The following FRMD5 variants were observed in gnomAD, a reference collection of about 807,000 sequenced individuals.
The protein encoded by FRMD5 is FERM domain-containing protein 5.
Under a neutral mutation model 69.0 loss-of-function variants are expected in FRMD5, and 20 were observed. The observed-to-expected ratio is 0.29, with a 90% CI of 0.20 to 0.42. The LOEUF (loss-of-function observed/expected upper bound fraction) is 0.42. Ranked by LOEUF, FRMD5 falls within the 10% of genes least tolerant of loss-of-function variation. The pLI is 1.00. For synonymous variants in FRMD5, 271 were observed against 260.1 expected (o/e 1.04, Z -0.40); for missense variants, 595 against 708.6 (o/e 0.84, Z 1.82).
At chr15:44,069,705 T>C (rs1032102596) in intron 1 of FRMD5, among the ~76,000 whole-genome samples, 2 of 152,116 alleles carry the variant, frequency 1.3e-5, no homozygotes, top group African/African-American at 2.4e-5. Flanking sequence ...GGGATCATCA[T>C]GGTGACGGAA....
At chr15:43,943,834 T>C (rs1030810979) in intron 1 of FRMD5, among the ~76,000 whole-genome samples, 2 of 152,216 alleles carry the variant, frequency 1.3e-5, no homozygotes, top group African/African-American at 4.8e-5. Context: ...ACAGAATAAA[T>C]TTGTTGTTTC....
At chr15:43,897,515 A>AAAAG (rs2088941817) in intron 7 of FRMD5, among the ~76,000 whole-genome samples, 1 of 147,996 alleles carries the variant, frequency 6.8e-6, no homozygotes, top group African/African-American at 2.5e-5. Flanking sequence ...AAAAAAAAAA[A>AAAAG]GTGAGGGGCA....
In FRMD5 at chr15:44,067,655, T is replaced by C. The variant is rs561255841; in HGVS notation, c.102+127298A>G. ...ATAGGCATACTAATCCCATTCATGA[T>C]GGTGGAGCCCTCATGACCTAATCAC... On this transcript the variant is annotated intron_variant, in intron 1 of 13. Coordinates refer to ENST00000417257, the MANE Select transcript of FRMD5 (RefSeq NM_032892.5). Among the ~76,000 whole-genome samples, 8 of 152,248 alleles carry C rather than the reference T, an allele frequency of 5.3e-5. No homozygotes were observed. In the South Asian group the frequency reaches 1.7e-3, roughly 32 times the overall value.
intron 1 of FRMD5, among the ~76,000 whole-genome samples, chr15:44,093,782 C>T (rs1176242298): frequency 6.6e-6 from 1 of 151,946 alleles, no homozygotes; most frequent in African/African-American, 2.4e-5. Flanking sequence ...CCATGTTAGC[C>T]AGGATGGTCT....
chr15:44,007,495 C>T (rs1028489990), intron 1 of FRMD5, among the ~76,000 whole-genome samples: 1 of 151,996 alleles, frequency 6.6e-6, no homozygotes, highest in African/African-American at 2.4e-5. Context: ...TGTTTTTAAT[C>T]CCTCAAGTTC....
At chr15:44,035,892 TTTTA>T (rs1234499659) in intron 1 of FRMD5, among the ~76,000 whole-genome samples, 1 of 152,186 alleles carries the variant, frequency 6.6e-6, no homozygotes, top group African/African-American at 2.4e-5. Context: ...GCTGGGAGGT[TTTTA>T]TTTTGTCCTG....
Position 43,912,782 on chromosome 15 carries a change from T to C in FRMD5, c.330-2803A>G, listed in dbSNP as rs1595510960. Among the ~76,000 whole-genome samples, 7 of 145,216 alleles carry C rather than the reference T, an allele frequency of 4.8e-5. No homozygotes were observed. The South Asian group carries it at 1.5e-3, about 32-fold the overall frequency. On this transcript the variant is annotated intron_variant, in intron 4 of 13. Transcript: ENST00000417257. ...CCTGTAATCCCAGCACTTTGGGAGG[T>C]CGAGGTGGGTGGATCACCTGAGGTC...
intron 1 of FRMD5, among the ~76,000 whole-genome samples, chr15:44,162,649 C>A (rs992042613): frequency 6.6e-6 from 1 of 151,380 alleles, no homozygotes; most frequent in Non-Finnish European, 1.5e-5. Context: ...AGGCAGATCA[C>A]CTGAGGTCAG....
chr15:43,910,542 C>G (rs2089267493), intron 4 of FRMD5, among the ~76,000 whole-genome samples: 1 of 134,282 alleles, frequency 7.4e-6, no homozygotes, highest in Non-Finnish European at 1.5e-5. Context: ...CTACTGCACT[C>G]TAGCCTGGGC....
chr15:43,935,938 T>C (rs1476404702), intron 1 of FRMD5, among the ~76,000 whole-genome samples: 1 of 152,252 alleles, frequency 6.6e-6, no homozygotes, highest in Non-Finnish European at 1.5e-5. Context: ...AGGCACTACC[T>C]GAGCTATCTC....
rs570628240 is a variant in FRMD5, at chr15:43,906,640, A to C, written c.428-689T>G. On this transcript the variant is annotated intron_variant, in intron 5 of 13. Transcript: ENST00000417257. ...GTTTTTAGACGGAGTCTCACTCTGTAGCCCAGGCTGGAGTGCAGTGGTGCG... is the reference window on the plus strand; with the variant it reads ...GTTTTTAGACGGAGTCTCACTCTGTCGCCCAGGCTGGAGTGCAGTGGTGCG... Among the ~76,000 whole-genome samples the C allele has an allele frequency of 2.0e-4, 31 of 151,980 alleles. 1 individual carries two copies. The highest frequency in any genetic ancestry group is 3.4e-3 in the Middle Eastern group (1 of 294).
At chr15:43,874,492 T>A (rs745706090) in intron 13 of FRMD5, 30 bp from the exon 14 acceptor site, 1 of 1,544,024 alleles carries the variant, frequency 6.5e-7, no homozygotes. Context: ...ATGAGTAGGC[T>A]GTGTCCCAAT....
At position 44,032,604 on chromosome 15, in the gene FRMD5, C is replaced by G. The variant is rs190101024; in HGVS notation, c.103-108295G>C. 5.9e-5 allele frequency among the ~76,000 whole-genome samples: 9 copies of G among 152,234 alleles called. No homozygotes were observed. The East Asian group carries it at 1.7e-3, about 29-fold the overall frequency. The stretch of plus-strand genomic sequence containing the variant: ...AGCCAACAAGCATATGGAAAAAAAG[C>G]TCAATATCACTCATCATTAGAGAAA... On this transcript the variant is annotated intron_variant, in intron 1 of 13. Transcript: ENST00000417257.
chr15:44,192,245 A>C (rs918620080), intron 1 of FRMD5, among the ~76,000 whole-genome samples: 17 of 152,174 alleles, frequency 1.1e-4, no homozygotes, highest in Non-Finnish European at 2.1e-4. Flanking sequence ...CTGCATTATG[A>C]AAGGATAGAC....
intron 1 of FRMD5, among the ~76,000 whole-genome samples, chr15:44,067,889 A>C (rs906207103): frequency 2.0e-5 from 3 of 152,244 alleles, no homozygotes; most frequent in African/African-American, 7.2e-5. Flanking sequence ...CTCAGCAATG[A>C]AAAACCAAAT....
intron 10 of FRMD5, 22 bp downstream of exon 10, chr15:43,888,153 C>A (rs752014318): frequency 6.4e-7 from 1 of 1,551,784 alleles, no homozygotes; most frequent in South Asian, 1.1e-5. Context: ...AAAGACAGTC[C>A]CCATCACATG....
intron 1 of FRMD5, among the ~76,000 whole-genome samples, chr15:44,069,810 GTAAAAGATACA>G (rs1312650870): frequency 6.6e-6 from 1 of 152,110 alleles, no homozygotes; most frequent in African/African-American, 2.4e-5. Context: ...GAAAAACTGG[GTAAAAGATACA>G]TAGGCTCTCC....
chr15:44,180,418 C>T (rs2077977373), intron 1 of FRMD5, among the ~76,000 whole-genome samples: 1 of 152,008 alleles, frequency 6.6e-6, no homozygotes. Context: ...CTTATCAGTA[C>T]CTTCATTTTA....
intron 1 of FRMD5, among the ~76,000 whole-genome samples, chr15:44,118,167 G>A (rs1013868583): frequency 3.3e-5 from 5 of 151,968 alleles, no homozygotes; most frequent in Non-Finnish European, 5.9e-5. Flanking sequence ...GAAAACTTCT[G>A]TACTTAAACT....
Sources: allele counts gnomAD v4.1 joint callset (sites outside exome capture counted in the v4.1 genomes callset), GRCh38; gene constraint gnomAD v4.1.1; transcripts MANE v1.5; gene names NCBI Gene and HGNC (gene_info 2026-07-23, HGNC 2026-07-21).